The following IQCK variants were observed in gnomAD, a reference collection of about 807,000 sequenced individuals.
The protein encoded by IQCK is IQ domain-containing protein K.
A neutral mutation model predicts 28.1 loss-of-function variants in IQCK; 29 were observed. That is an observed-to-expected ratio of 1.03 (90% CI 0.77 to 1.41). IQCK has a LOEUF of 1.41. Among genes scored for constraint, IQCK ranks in the 40% most tolerant of loss-of-function variants. The pLI is 0.00. For missense variants in IQCK, 359 were observed against 314.7 expected (o/e 1.14, Z -1.07); for synonymous variants, 113 against 115.1 (o/e 0.98, Z 0.12).
intron 7 of IQCK, among the ~76,000 whole-genome samples, chr16:19,824,550 ATAGT>A (rs377282878): frequency 6.6e-5 from 10 of 152,334 alleles, no homozygotes; most frequent in Non-Finnish European, 1.2e-4. Context: ...GCCCTATTTA[ATAGT>A]TAGAGAGCTG....
rs536259584 is a variant in IQCK at position 19,784,287 on chromosome 16, G to A, written c.606-4551G>A. 5.3e-5 allele frequency among the ~76,000 whole-genome samples: 8 copies of A among 151,962 alleles called. No homozygotes were observed. The South Asian group carries it at 1.2e-3, about 24-fold the overall frequency. Reference sequence around the variant, plus strand: ...TCAGCAGCTGCTAGACCCTGACTTCGATGCTACTGACCTTGTGAGCTGGCC... The same window carrying A: ...TCAGCAGCTGCTAGACCCTGACTTCAATGCTACTGACCTTGTGAGCTGGCC... On this transcript the variant is annotated intron_variant, in intron 6 of 7. Coordinates refer to ENST00000564186, the Ensembl canonical transcript of IQCK.
chr16:19,782,491 G>A (rs181828322), intron 6 of IQCK, among the ~76,000 whole-genome samples: 27 of 152,222 alleles, frequency 1.8e-4, no homozygotes, highest in African/African-American at 6.5e-4. Context: ...AGCTGGGAAT[G>A]GTGGTGTGTA....
At chr16:19,845,694 G>A (rs958046322) in intron 9 of IQCK, among the ~76,000 whole-genome samples, 7 of 152,212 alleles carry the variant, frequency 4.6e-5, no homozygotes, top group Admixed American at 3.9e-4. Flanking sequence ...CTTACTCAAT[G>A]ATTTAAAGAA....
At chr16:19,765,208 T>G (rs1386881917) in intron 6 of IQCK, among the ~76,000 whole-genome samples, 4 of 117,318 alleles carry the variant, frequency 3.4e-5, no homozygotes, top group South Asian at 2.8e-4. Flanking sequence ...GGCGACAGAG[T>G]GAGACTCCAT....
chr16:19,764,772 G>T (rs2055203901), intron 6 of IQCK, among the ~76,000 whole-genome samples: 1 of 148,012 alleles, frequency 6.8e-6, no homozygotes, highest in Admixed American at 6.7e-5. Flanking sequence ...CTTACTGCAA[G>T]CTCCACCTCC....
intron 7 of IQCK, among the ~76,000 whole-genome samples, chr16:19,793,660 T>A (rs796267206): frequency 1.5e-5 from 2 of 134,004 alleles, no homozygotes; most frequent in South Asian, 4.7e-4. Flanking sequence ...TTTTTTTTTT[T>A]TTTTTTTTTT....
chr16:19,777,274 C>G (rs1419954421), intron 6 of IQCK, among the ~76,000 whole-genome samples: 1 of 151,992 alleles, frequency 6.6e-6, no homozygotes, highest in Non-Finnish European at 1.5e-5. Context: ...GAGGTGAAAA[C>G]AAAAGTGTCA....
rs185738578 is a variant in IQCK, at chr16:19,826,207, T to A, written c.691-819T>A. 4.7e-3 allele frequency among the ~76,000 whole-genome samples: 714 copies of A among 152,182 alleles called. 5 individuals are homozygous for A. Among genetic ancestry groups the A allele is most frequent in the Admixed American group, 0.013 (197 of 15,280 alleles). On this transcript the variant is annotated intron_variant, in intron 7 of 7. Transcript: ENST00000564186. ...ATTTTTTATAGAGATGACGTCTCAC[T>A]ATGTTGCCCAGGCTGGTCTTGAACA... is the stretch of plus-strand genomic sequence containing the variant.
At chr16:19,778,656 C>CA (rs955415899) in intron 6 of IQCK, among the ~76,000 whole-genome samples, 155 of 148,254 alleles carry the variant, frequency 1.0e-3, no homozygotes, top group African/African-American at 2.3e-3. Context: ...GACCCTATCT[C>CA]AAAAAAAAAT....
At chr16:19,730,778 C>T (rs1245564845) in intron 2 of IQCK, among the ~76,000 whole-genome samples, 3 of 151,334 alleles carry the variant, frequency 2.0e-5, no homozygotes, top group Non-Finnish European at 4.4e-5. Flanking sequence ...TATCTATCTA[C>T]CTAATCTATT....
At chr16:19,765,330 G>A (rs973886294) in intron 6 of IQCK, among the ~76,000 whole-genome samples, 2 of 151,726 alleles carry the variant, frequency 1.3e-5, no homozygotes, top group African/African-American at 4.8e-5. Context: ...TTGAGGTCAG[G>A]AGTTCGAGAC....
chr16:19,721,899 T>C (rs73541452), intron 1 of IQCK, among the ~76,000 whole-genome samples: 2,920 of 152,294 alleles, frequency 0.019, 78 homozygotes, highest in African/African-American at 0.066. Flanking sequence ...TATTTTGATA[T>C]GCTGTGATTA....
At chr16:19,853,360 T>C (rs1309725059) in intron 9 of IQCK, among the ~76,000 whole-genome samples, 1 of 152,158 alleles carries the variant, frequency 6.6e-6, no homozygotes, top group Non-Finnish European at 1.5e-5. Flanking sequence ...CTTTCTGCTC[T>C]CCTCTGTCAA....
chr16:19,750,281 C>T (rs919657102), intron 4 of IQCK, among the ~76,000 whole-genome samples: 6 of 151,760 alleles, frequency 4.0e-5, no homozygotes, highest in East Asian at 3.9e-4. Context: ...CGTGTGCCAC[C>T]GTGCCTGGCT....
At chr16:19,744,057 A>G (rs962168693) in intron 4 of IQCK, among the ~76,000 whole-genome samples, 2 of 152,188 alleles carry the variant, frequency 1.3e-5, no homozygotes, top group African/African-American at 2.4e-5. Flanking sequence ...TGGTTCAGCA[A>G]TTCCATGATT....
chr16:19,812,092 A>G (rs571449377), intron 7 of IQCK, among the ~76,000 whole-genome samples: 1 of 151,562 alleles, frequency 6.6e-6, no homozygotes, highest in Admixed American at 6.6e-5. Context: ...GGTTCAAGCA[A>G]TTCTTCTGCC....
intron 7 of IQCK, among the ~76,000 whole-genome samples, chr16:19,820,578 G>T (rs2056058475): frequency 6.6e-6 from 1 of 151,864 alleles, no homozygotes; most frequent in African/African-American, 2.4e-5. Flanking sequence ...GAACCCGGGA[G>T]GCAGAGGTTG....
chr16:19,830,397 C>G (rs2056215364), downstream of IQCK, among the ~76,000 whole-genome samples: 1 of 152,184 alleles, frequency 6.6e-6, no homozygotes, highest in South Asian at 2.1e-4. Context: ...ATCCAGCCTG[C>G]AGCAGAGGGG....
At position 19,834,741 on chromosome 16, in the gene IQCK, T is replaced by A. The variant is rs907019610; in HGVS notation, c.802+7604T>A. On this transcript the variant is annotated intron_variant, in intron 9 of 9. Transcript: ENST00000320394. ...TTCTTTTCTCCCTCTTTCCAAATCC[T>A]CTGTCCATCTACATTTGAGGAGCAG... Among the ~76,000 whole-genome samples the A allele has an allele frequency of 2.6e-5, 4 of 152,202 alleles. No individual in the cohort carries two copies. The East Asian group carries it at 5.8e-4, about 22-fold the overall frequency.
Sources: allele counts gnomAD v4.1 joint callset (sites outside exome capture counted in the v4.1 genomes callset), GRCh38; gene constraint gnomAD v4.1.1; transcripts MANE v1.5; gene names NCBI Gene and HGNC (gene_info 2026-07-23, HGNC 2026-07-21).